PATJ: variants seen among roughly 807,000 people sequenced by gnomAD.
The protein encoded by PATJ is PATJ crumbs cell polarity complex component, also known as inaD-like protein.
PATJ carries 190 observed loss-of-function variants against 224.9 expected under a neutral mutation model. The ratio of observed to expected loss-of-function variants is 0.84; its 90% CI spans 0.75 to 0.95. The LOEUF is 0.95. Among genes scored for constraint, PATJ ranks in the 40% least tolerant of loss-of-function variants. The pLI is 0.00. For synonymous variants in PATJ, 769 were observed against 820.3 expected (o/e 0.94, Z 1.07); for missense variants, 2,121 against 2,270.3 (o/e 0.93, Z 1.34).
intron 11 of PATJ, among the ~76,000 whole-genome samples, chr1:61,800,941 C>G (rs1465559533): frequency 6.6e-6 from 1 of 152,122 alleles, no homozygotes; most frequent in Non-Finnish European, 1.5e-5. Flanking sequence ...AGTGTTCCAT[C>G]GTGTATATGT....
At chr1:62,136,687 GTGTGTC>G (rs1312445640) in intron 41 of PATJ, among the ~76,000 whole-genome samples, 56 of 146,502 alleles carry the variant, frequency 3.8e-4, no homozygotes, top group East Asian at 2.6e-3. Flanking sequence ...GTGTGTGTGT[GTGTGTC>G]TGTGTGTGTG....
intron 25 of PATJ, among the ~76,000 whole-genome samples, 157 bp from the exon 26 acceptor site, chr1:61,914,430 T>C (rs1243274034): frequency 6.6e-6 from 1 of 152,008 alleles, no homozygotes; most frequent in East Asian, 1.9e-4. Context: ...CACTCCAGCC[T>C]GGGTGACAAG....
At chr1:61,863,728 G>A (rs192809577) in intron 19 of PATJ, among the ~76,000 whole-genome samples, 16 of 152,222 alleles carry the variant, frequency 1.1e-4, no homozygotes, top group African/African-American at 3.6e-4. Context: ...TTATAAAAGA[G>A]TCATACTCAA....
intron 17 of PATJ, among the ~76,000 whole-genome samples, chr1:61,846,517 C>A (rs1032058306): frequency 6.6e-6 from 1 of 152,146 alleles, no homozygotes; most frequent in Non-Finnish European, 1.5e-5. Context: ...TTGTAAGGTA[C>A]ACTTAACATA....
chr1:61,766,252 T>TGA (rs1646264017), intron 3 of PATJ, 27 bp from the exon 4 acceptor site: 1 of 1,460,186 alleles, frequency 6.8e-7, no homozygotes, highest in Non-Finnish European at 9.3e-7. Flanking sequence ...TAGATTTCTG[T>TGA]TGATTCTTTT....
rs953411363 is a variant in PATJ at position 61,795,125 on chromosome 1, A to G, written c.1169-342A>G. On this transcript the variant is annotated intron_variant, in intron 9 of 43. Transcript: ENST00000642238. ...AAAAAAAAAAAAAAAAAAAAAAAGA[A>G]GTTTTATGCCACATCAGTAATAAGA... Among the ~76,000 whole-genome samples the G allele has an allele frequency of 8.0e-5, 12 of 150,312 alleles. No homozygotes were observed. The South Asian group carries it at 1.3e-3, about 16-fold the overall frequency.
Position 62,105,878 on chromosome 1 carries a change from A to G in PATJ, c.4378-2559A>G, listed in dbSNP as rs187545228. ...TCTTGTTTTCTTTTGTTGCTTCTCT[A>G]TTGTGGAATTTGTATAGAAGCCCTT... On this transcript the variant is annotated intron_variant, in intron 33 of 43. Coordinates refer to ENST00000642238, the MANE Select transcript of PATJ (RefSeq NM_001350145.3). 3.3e-3 allele frequency among the ~76,000 whole-genome samples: 500 copies of G among 151,082 alleles called. 2 individuals are homozygous for G. The highest frequency in any genetic ancestry group is 0.014 in the Middle Eastern group (4 of 288).
intron 30 of PATJ, among the ~76,000 whole-genome samples, chr1:62,044,538 G>C (rs867536086): frequency 2.6e-5 from 4 of 152,304 alleles, no homozygotes; most frequent in Middle Eastern, 6.8e-3. Flanking sequence ...AATAACTTGG[G>C]TTCCGACATA....
At chr1:62,026,526 G>A (rs1271133158) in intron 29 of PATJ, among the ~76,000 whole-genome samples, 1 of 150,984 alleles carries the variant, frequency 6.6e-6, no homozygotes, top group Non-Finnish European at 1.5e-5. Context: ...GATGTACCAG[G>A]CACTAGATTG....
intron 43 of PATJ, among the ~76,000 whole-genome samples, chr1:62,157,045 C>A (rs1371307167): frequency 1.3e-5 from 2 of 149,704 alleles, no homozygotes; most frequent in African/African-American, 4.9e-5. Flanking sequence ...TTCATTAGGC[C>A]GGGCACGGTG....
intron 32 of PATJ, 103 bp downstream of exon 32, chr1:62,079,670 C>T: frequency 1.4e-6 from 1 of 737,844 alleles, no homozygotes; most frequent in South Asian, 1.7e-5. Flanking sequence ...AGAAGTCTGA[C>T]TCTGGATACT....
At chr1:61,887,667 GT>G (rs1407329177) in intron 22 of PATJ, among the ~76,000 whole-genome samples, 1 of 152,162 alleles carries the variant, frequency 6.6e-6, no homozygotes, top group Non-Finnish European at 1.5e-5. Flanking sequence ...GGTGTGGATA[GT>G]TTTGTTTATA....
intron 41 of PATJ, among the ~76,000 whole-genome samples, chr1:62,143,427 C>A: frequency 6.9e-6 from 1 of 145,184 alleles, no homozygotes; most frequent in Non-Finnish European, 1.5e-5. Context: ...ATATCACAGA[C>A]TAAGCTGGGA....
At chr1:61,833,463 T>G (rs1295466735) in intron 16 of PATJ, 191 bp from the exon 17 acceptor site, 8 of 435,100 alleles carry the variant, frequency 1.8e-5, no homozygotes, top group Non-Finnish European at 3.2e-5. Context: ...AGCACTTGAA[T>G]TTTTATAAGA....
intron 27 of PATJ, among the ~76,000 whole-genome samples, chr1:61,969,104 A>G (rs1682582627): frequency 1.3e-5 from 2 of 152,056 alleles, no homozygotes. Context: ...TGTGTAGACC[A>G]CTTTGTGTTT....
At chr1:61,863,101 T>A (rs1030917981) in intron 19 of PATJ, among the ~76,000 whole-genome samples, 1 of 146,622 alleles carries the variant, frequency 6.8e-6, no homozygotes, top group Non-Finnish European at 1.5e-5. Flanking sequence ...AGTGGTGTGA[T>A]CATAACTCAC....
At chr1:61,949,716 G>T (rs977671476) in intron 27 of PATJ, among the ~76,000 whole-genome samples, 15 of 151,718 alleles carry the variant, frequency 9.9e-5, no homozygotes, top group Non-Finnish European at 1.8e-4. Context: ...AGACCAGCCC[G>T]CTCAACATGG....
intron 33 of PATJ, chr1:62,100,509 A>T (rs961157401): frequency 1.7e-4 from 111 of 639,610 alleles, no homozygotes; most frequent in South Asian, 1.5e-4. Flanking sequence ...CAGAGCCCTC[A>T]TTACCCAATC....
Position 61,882,994 on chromosome 1 carries a change from G to A in PATJ, c.2960-1243G>A, listed in dbSNP as rs541700675. 3.3e-5 allele frequency among the ~76,000 whole-genome samples: 5 copies of A among 151,916 alleles called. No individual in the cohort carries two copies. The South Asian group carries it at 1.0e-3, about 31-fold the overall frequency. On this transcript the variant is annotated intron_variant, in intron 21 of 43. Coordinates refer to ENST00000642238, the MANE Select transcript of PATJ (RefSeq NM_001350145.3). The stretch of plus-strand genomic sequence containing the variant: ...TTTTATAGTGTGTGTGTGAGGATGT[G>A]TATAGACAATATATGTGGACATACC...
Sources: gnomAD v4.1 joint callset for allele counts (sites outside exome capture counted in the v4.1 genomes callset) on GRCh38, gnomAD v4.1.1 for gene constraint, MANE v1.5 for transcripts, NCBI Gene and HGNC (gene_info 2026-07-23, HGNC 2026-07-21) for gene names.